Variants in ROS1 observed in about 807,000 individuals in gnomAD.
ROS1 encodes the protein proto-oncogene tyrosine-protein kinase ROS.
In ROS1, 263 loss-of-function variants were observed where a neutral mutation model predicts 273.5. That is an observed-to-expected ratio of 0.96 (90% confidence interval 0.87 to 1.06). The LOEUF (loss-of-function observed/expected upper bound fraction) is 1.06, where lower values mean the gene tolerates loss of function less well. Ranked by LOEUF, ROS1 falls within the 50% of genes least tolerant of loss-of-function variation. The pLI is 0.00. For synonymous variants in ROS1, 1,008 were observed against 954.1 expected, an observed-to-expected ratio of 1.06 and a Z score of -1.04; for missense variants, 2,833 against 2,751.1, an observed-to-expected ratio of 1.03 and a Z score of -0.67.
intron 20 of ROS1, 36 bp downstream of exon 20, chr6:117,365,544 GT>G (rs1308125007): frequency 1.3e-6 from 2 of 1,573,554 alleles, no homozygotes; most frequent in Non-Finnish European, 8.7e-7. Flanking sequence ...GGTACAGTCT[GT>G]TTGGGAAATG....
chr6:117,402,998 C>G (rs1023836179), intron 7 of ROS1, 141 bp downstream of exon 7: 5 of 845,714 alleles, frequency 5.9e-6, no homozygotes, highest in African/African-American at 5.1e-5. Flanking sequence ...AGAATACTAC[C>G]TGGCACATAG....
Position 117,409,688 on chromosome 6 carries a change from GT to G in ROS1, c.256-47del, listed in dbSNP as rs763148534. 5 of 1,485,824 alleles carry G rather than the reference GT, an allele frequency of 3.4e-6. No individual in the cohort carries two copies. The African/African-American group carries it at 7.0e-5, about 21-fold the overall frequency. 92.0% of individuals were successfully genotyped at this position (1,485,824 alleles called of 1,614,324 possible). On this transcript the variant is annotated intron_variant, in intron 4 of 43. Coordinates refer to ENST00000368507, the MANE Select transcript of ROS1 (RefSeq NM_001378902.1). ...GACAGTCAGGGCAGCCTTGATACTG[GT>G]TTTGCTGATAAGCTTCAACTAAATT...
At chr6:117,402,903 A>T (rs572184544) in intron 7 of ROS1, among the ~76,000 whole-genome samples, 340 of 151,650 alleles carry the variant, frequency 2.2e-3, no homozygotes, top group Middle Eastern at 3.4e-3. Context: ...AAAAAAAAAA[A>T]AAGAAAAGAA....
intron 10 of ROS1, 52 bp from the exon 11 acceptor site, chr6:117,394,398 A>G (rs970669001): frequency 3.9e-6 from 5 of 1,280,328 alleles, no homozygotes; most frequent in Non-Finnish European, 5.2e-6. Context: ...ACCAGGACAA[A>G]AAACTTGTAT....
intron 39 of ROS1, among the ~76,000 whole-genome samples, chr6:117,312,011 G>A (rs1775584145): frequency 6.6e-6 from 1 of 151,980 alleles, no homozygotes; most frequent in African/African-American, 2.4e-5. Context: ...TTCCTGTAGA[G>A]TCCATTATGA....
At chr6:117,339,558 C>T (rs1358855000) in intron 31 of ROS1, among the ~76,000 whole-genome samples, 2 of 152,096 alleles carry the variant, frequency 1.3e-5, no homozygotes, top group African/African-American at 4.8e-5. Context: ...TCAAAAGAGA[C>T]AGCACTTTCT....
At chr6:117,325,729 G>A (rs189253667) in intron 34 of ROS1, among the ~76,000 whole-genome samples, 1 of 152,108 alleles carries the variant, frequency 6.6e-6, no homozygotes, top group Non-Finnish European at 1.5e-5. Flanking sequence ...TTACTGAGTA[G>A]AGGGAAAAAT....
intron 7 of ROS1, among the ~76,000 whole-genome samples, chr6:117,399,839 G>T (rs1773802873): frequency 6.6e-6 from 1 of 152,160 alleles, no homozygotes; most frequent in Non-Finnish European, 1.5e-5. Context: ...CCTCCCAGCT[G>T]GTCTCTACCT....
At chr6:117,412,248 G>T (rs552806649) in intron 4 of ROS1, among the ~76,000 whole-genome samples, 2 of 152,118 alleles carry the variant, frequency 1.3e-5, no homozygotes, top group African/African-American at 4.8e-5. Flanking sequence ...GGTACAATAA[G>T]ATCAATTGGC....
At chr6:117,294,611 A>T (rs1774079030) in intron 43 of ROS1, among the ~76,000 whole-genome samples, 1 of 152,150 alleles carries the variant, frequency 6.6e-6, no homozygotes, top group Non-Finnish European at 1.5e-5. Flanking sequence ...AATTCAGTAA[A>T]GTTTCAGGAT....
Position 117,326,424 on chromosome 6 carries a change from A to G in ROS1, c.5349-10T>C, listed in dbSNP as rs1776649892. ...ATTTGAAGTGCTCTTTCTGCAAAAAATAATAAATACAGAAAATATACATGA... is the reference window on the plus strand; with the variant it reads ...ATTTGAAGTGCTCTTTCTGCAAAAAGTAATAAATACAGAAAATATACATGA... On this transcript the variant is annotated splice_polypyrimidine_tract_variant and intron_variant, in intron 33 of 43. Transcript: ENST00000368507. 6.8e-7 allele frequency: 1 copy of G among 1,470,914 alleles called. No individual in the cohort carries two copies. Among genetic ancestry groups the G allele is most frequent in the African/African-American group, 1.5e-5 (1 of 68,964 alleles). The allele number at this position is 1,470,914 out of a possible 1,614,324, so 91.1% of individuals were successfully genotyped here. A position where few individuals can be genotyped will look rare whatever the true frequency, so the allele number is the denominator to read the frequency against.
chr6:117,383,133 T>G (rs1772285438), intron 17 of ROS1, among the ~76,000 whole-genome samples, 184 bp downstream of exon 17: 1 of 152,050 alleles, frequency 6.6e-6, no homozygotes, highest in Non-Finnish European at 1.5e-5. Flanking sequence ...AGGCTTTCAA[T>G]TGTGACCATC....
chr6:117,415,567 T>C (rs1775274330), intron 3 of ROS1, among the ~76,000 whole-genome samples: 1 of 152,162 alleles, frequency 6.6e-6, no homozygotes, highest in Non-Finnish European at 1.5e-5. Context: ...AGGAGAAAGA[T>C]TCTGTTATTA....
At chr6:117,418,437 C>A (rs368195867) in intron 2 of ROS1, 25 bp downstream of exon 2, 1 of 1,536,714 alleles carries the variant, frequency 6.5e-7, no homozygotes, top group Non-Finnish European at 8.9e-7. Flanking sequence ...TTGTAATATT[C>A]TTGACAACTG....
rs17079133 is a variant in ROS1 at position 117,404,536 on chromosome 6, T to C, written c.317-108A>G. The C allele has an allele frequency of 1.4e-3, 1,299 of 957,462 alleles. 14 individuals are homozygous for C. The African/African-American group carries it at 0.02, about 15-fold the overall frequency. 59.3% of individuals were successfully genotyped at this position (957,462 alleles called of 1,614,324 possible). ...TCCGTATTCTCTTGCTAAAACTGCA[T>C]CTTGCCACAATAACTCACTTGAATA... On this transcript the variant is annotated intron_variant, in intron 5 of 43. Transcript: ENST00000368507.
chr6:117,362,404 C>G (rs973820718), intron 22 of ROS1, among the ~76,000 whole-genome samples, 199 bp downstream of exon 22: 3 of 151,994 alleles, frequency 2.0e-5, no homozygotes, highest in Admixed American at 2.0e-4. Context: ...CTTTCCATTT[C>G]TTTAACAGTT....
intron 43 of ROS1, among the ~76,000 whole-genome samples, chr6:117,300,086 C>CTTTTTTTTTTTTTTTTTTTTTTTTTTTT (rs10700318): frequency 1.6e-4 from 5 of 31,836 alleles, no homozygotes; most frequent in Non-Finnish European, 2.1e-4. Flanking sequence ...CCAGGACAGG[C>CTTTTTTTTTTTTTTTTTTTTTTTTTTTT]TTTTTTTTTT....
At chr6:117,310,710 A>G (rs903573872) in intron 40 of ROS1, among the ~76,000 whole-genome samples, 4 of 152,146 alleles carry the variant, frequency 2.6e-5, no homozygotes, top group African/African-American at 9.7e-5. Flanking sequence ...CCCTCAAAGG[A>G]CATGAACTCA....
intron 40 of ROS1, among the ~76,000 whole-genome samples, chr6:117,310,758 TG>T (rs1775482593): frequency 6.6e-6 from 1 of 152,166 alleles, no homozygotes; most frequent in Non-Finnish European, 1.5e-5. Context: ...ATGGTGTATA[TG>T]TGCCACATTT....
Sources: gnomAD v4.1 joint callset for allele counts (sites outside exome capture counted in the v4.1 genomes callset) on GRCh38, gnomAD v4.1.1 for gene constraint, MANE v1.5 for transcripts, NCBI Gene and HGNC (gene_info 2026-07-23, HGNC 2026-07-21) for gene names.